PRKN: variants seen among roughly 807,000 people sequenced by gnomAD.
PRKN encodes parkin RBR E3 ubiquitin protein ligase.
PRKN carries 56 observed loss-of-function variants against 59.5 expected under a neutral mutation model. That is an observed-to-expected ratio of 0.94 (90% CI 0.76 to 1.18). PRKN has a LOEUF of 1.18. Ranked by LOEUF, PRKN falls within the 50% of genes most tolerant of loss-of-function variation. PRKN has a pLI of 0.00. For missense variants in PRKN, 657 were observed against 596.4 expected (o/e 1.10, Z -1.06); for synonymous variants, 250 against 222.1 (o/e 1.13, Z -1.12).
At chr6:162,255,631 T>C (rs1234143257) in intron 3 of PRKN, among the ~76,000 whole-genome samples, 1 of 152,114 alleles carries the variant, frequency 6.6e-6, no homozygotes, top group Non-Finnish European at 1.5e-5. Flanking sequence ...CTCCGAGTCC[T>C]AGAGGTAGCA....
intron 2 of PRKN, among the ~76,000 whole-genome samples, chr6:162,291,261 T>C (rs1370664139): frequency 6.6e-6 from 1 of 152,124 alleles, no homozygotes; most frequent in African/African-American, 2.4e-5. Flanking sequence ...TTGCTCTTCC[T>C]GGGCCAGTTC....
At chr6:162,723,521 C>CA (rs2128241128) in intron 1 of PRKN, among the ~76,000 whole-genome samples, 1 of 152,222 alleles carries the variant, frequency 6.6e-6, no homozygotes, top group African/African-American at 2.4e-5. Flanking sequence ...AAAGCTGAGT[C>CA]AGTCTCAGGA....
chr6:162,340,011 AG>A (rs1289601217), intron 2 of PRKN, among the ~76,000 whole-genome samples: 1 of 147,652 alleles, frequency 6.8e-6, no homozygotes, highest in Admixed American at 6.8e-5. Flanking sequence ...GGAAGGCCGC[AG>A]GGTCCTCTGC....
rs1789606421 is a variant in PRKN at position 161,448,853 on chromosome 6, C to T, written c.1084-61976G>A. ...AGTTAACCTTCCCAAATGAGTGGCA[C>T]TATTATTTTAAAATAAAAGCGTTCA... On this transcript the variant is annotated intron_variant, in intron 9 of 11. Transcript: ENST00000366898. This position sits in a 1 kb window ranked among gnomAD's most constrained non-coding sequence, Gnocchi z 5.1. Among the ~76,000 whole-genome samples the T allele has an allele frequency of 6.6e-6, 1 of 152,126 alleles. No homozygotes were observed. The highest frequency in any genetic ancestry group is 1.9e-4 in the East Asian group (1 of 5,190).
intron 5 of PRKN, among the ~76,000 whole-genome samples, chr6:162,024,897 T>C (rs906167183): frequency 6.6e-6 from 1 of 152,206 alleles, no homozygotes; most frequent in African/African-American, 2.4e-5. Flanking sequence ...CTTTGTTGTT[T>C]ATAGTCAGCA....
chr6:162,141,422 A>G (rs1246942851), intron 4 of PRKN, among the ~76,000 whole-genome samples: 5 of 152,220 alleles, frequency 3.3e-5, no homozygotes, highest in African/African-American at 1.2e-4. Flanking sequence ...ATATATTTGG[A>G]ATACTTCAAC....
chr6:161,720,410 G>A (rs1204277268), intron 7 of PRKN, among the ~76,000 whole-genome samples: 2 of 152,110 alleles, frequency 1.3e-5, no homozygotes, highest in Non-Finnish European at 1.5e-5. Flanking sequence ...ACTCAATGCT[G>A]TCAATCCTCC....
intron 1 of PRKN, among the ~76,000 whole-genome samples, chr6:162,650,887 G>A (rs947206048): frequency 1.3e-5 from 2 of 152,054 alleles, no homozygotes; most frequent in Non-Finnish European, 2.9e-5. Flanking sequence ...GGACAGCATG[G>A]GTGTGACAAC....
chr6:161,877,078 C>A (rs1003829355), intron 6 of PRKN, among the ~76,000 whole-genome samples: 1 of 152,112 alleles, frequency 6.6e-6, no homozygotes, highest in Non-Finnish European at 1.5e-5. Context: ...TGATTCAATG[C>A]CTGAATCCTA....
chr6:162,426,628 T>G (rs1057185552), intron 2 of PRKN, among the ~76,000 whole-genome samples: 5 of 152,118 alleles, frequency 3.3e-5, no homozygotes, highest in Non-Finnish European at 7.4e-5. Context: ...CATATTTTTT[T>G]GTAGAGACGG....
At chr6:162,305,453 C>A (rs1343647153) in intron 2 of PRKN, among the ~76,000 whole-genome samples, 2 of 151,568 alleles carry the variant, frequency 1.3e-5, no homozygotes, top group Non-Finnish European at 2.9e-5. Context: ...TGTTTCTGAT[C>A]TTTTCTCAAT....
intron 2 of PRKN, among the ~76,000 whole-genome samples, chr6:162,299,484 A>C (rs1385057054): frequency 6.6e-6 from 1 of 152,158 alleles, no homozygotes; most frequent in Non-Finnish European, 1.5e-5. Context: ...CCAAGTGTTC[A>C]GTGGCTTCAG....
intron 7 of PRKN, among the ~76,000 whole-genome samples, chr6:161,591,345 G>T (rs1234928935): frequency 6.6e-6 from 1 of 152,164 alleles, no homozygotes; most frequent in East Asian, 1.9e-4. Context: ...TATCACTAGG[G>T]GAGGCATCCA....
intron 6 of PRKN, among the ~76,000 whole-genome samples, chr6:161,817,826 A>C (rs908358488): frequency 6.6e-6 from 1 of 152,186 alleles, no homozygotes; most frequent in South Asian, 2.1e-4. Flanking sequence ...AATTTCCTCA[A>C]CCCAATATTT....
At chr6:162,434,074 A>G (rs1475966149) in intron 2 of PRKN, among the ~76,000 whole-genome samples, 2 of 152,204 alleles carry the variant, frequency 1.3e-5, no homozygotes, top group African/African-American at 2.4e-5. Context: ...AATAAAATTC[A>G]ATGACAGAAT....
intron 4 of PRKN, among the ~76,000 whole-genome samples, chr6:162,086,995 T>C (rs2128295028): frequency 6.6e-6 from 1 of 152,256 alleles, no homozygotes. Context: ...AATATGAACT[T>C]TAGAAAGCAA....
At chr6:161,392,859 C>A (rs983285084) in intron 9 of PRKN, among the ~76,000 whole-genome samples, 2 of 151,674 alleles carry the variant, frequency 1.3e-5, no homozygotes, top group East Asian at 1.9e-4. Context: ...ACATTGAAGT[C>A]ATATTTTTGT....
At chr6:162,298,096 C>T (rs867055160) in intron 2 of PRKN, among the ~76,000 whole-genome samples, 1 of 152,212 alleles carries the variant, frequency 6.6e-6, no homozygotes. Context: ...ATCACTTGGG[C>T]TCCCTTGTCC....
chr6:162,216,560 A>AC (rs1224280046), intron 3 of PRKN, among the ~76,000 whole-genome samples: 3 of 151,246 alleles, frequency 2.0e-5, no homozygotes, highest in East Asian at 2.0e-4. Flanking sequence ...AAAAAAAAAA[A>AC]AAAACCCAGT....
Sources: allele counts gnomAD v4.1 joint callset (sites outside exome capture counted in the v4.1 genomes callset), GRCh38; gene constraint gnomAD v4.1.1; non-coding constraint Gnocchi (gnomAD v3.1); transcripts MANE v1.5; gene names NCBI Gene and HGNC (gene_info 2026-07-23, HGNC 2026-07-21).